The following PCDHB10 variants were observed in gnomAD, a reference collection of about 807,000 sequenced individuals.
PCDHB10 encodes the protein protocadherin beta-10.
For synonymous variants in PCDHB10, 448 were observed against 449.2 expected (o/e 1.00, Z 0.04); for missense variants, 1,046 against 1,004.7 (o/e 1.04, Z -0.56).
chr5:141,194,669 C>A lies in PCDHB10; in HGVS notation c.2117C>A (p.Ser706Ter). The change falls in exon 1 of 1, where the codon TCG (serine) becomes TAG (stop). Residue 706 changes from serine to a stop codon, truncating the protein, a stop_gained. Transcript: ENST00000239446. LOFTEE classifies it low-confidence loss of function (END_TRUNC). The part of the protein sequence containing the change: ...LASVSSLFLL[S>*]VLLFVAVRLC... ...TCGGTGTCTTCGCTCTTCCTCCTCT[C>A]GGTGCTCCTGTTCGTGGCGGTGCGG... 1 of 1,605,560 alleles carries A rather than the reference C, an allele frequency of 6.2e-7. No individual in the cohort carries two copies. Among genetic ancestry groups the A allele is most frequent in the African/African-American group, 1.3e-5 (1 of 74,754 alleles).
At position 141,192,921 on chromosome 5, in the gene PCDHB10, C is replaced by A. The variant is rs1554283916; in HGVS notation, c.369C>A (p.Val123=). ...AGATTTACCGGGCTGAGCTGAGAGT[C>A]AGGGATATAAATGATCACGCGCCAG... ...PFQIYRAELR[V]RDINDHAPVF... The change falls in exon 1 of 1, where the codon GTC becomes GTA. Residue 123 remains valine (V), a synonymous_variant. Transcript: ENST00000239446. The A allele has an allele frequency of 1.2e-6, 2 of 1,613,944 alleles. No individual in the cohort carries two copies. The highest frequency in any genetic ancestry group is 8.5e-7 in the Non-Finnish European group (1 of 1,180,008).
At position 141,193,028 on chromosome 5, in the gene PCDHB10, A is replaced by T. The variant is rs782156474; in HGVS notation, c.476A>T (p.Asp159Val). 1.1e-5 allele frequency: 18 copies of T among 1,614,102 alleles called. 1 individual carries two copies. Among genetic ancestry groups the T allele is most frequent in the Middle Eastern group, 3.3e-4 (2 of 6,084 alleles). Residue 159 changes from aspartate (D) to valine (V), a missense_variant, in exon 1 of 1, where the codon GAT (aspartate) becomes GTT (valine). Coordinates refer to ENST00000239446, the MANE Select transcript of PCDHB10 (RefSeq NM_018930.4). Reference protein sequence around the residue: ...GTAFRLERAQDPDGGLNGIQN... With the variant: ...GTAFRLERAQVPDGGLNGIQN... ...GCATTTAGACTAGAAAGAGCACAGG[A>T]TCCAGATGGAGGACTTAACGGTATC...
rs375084189 is a variant in PCDHB10, at chr5:141,193,749, T to C, written c.1197T>C (p.Asn399=). 6.2e-6 allele frequency: 10 copies of C among 1,614,058 alleles called. No homozygotes were observed. In the African/African-American group the frequency reaches 1.3e-4, roughly 22 times the overall value. The part of the protein sequence containing the change: ...LPFLLKPSVE[N]FYILITEGAL... ...TCCTACTAAAACCTTCTGTGGAGAA[T>C]TTTTACATCCTAATTACAGAAGGCG... The change falls in exon 1 of 1, where the codon AAT becomes AAC. Residue 399 remains asparagine (N), a synonymous_variant. Coordinates refer to ENST00000239446, the MANE Select transcript of PCDHB10 (RefSeq NM_018930.4).
chr5:141,193,828 T>A lies in PCDHB10; in HGVS notation c.1276T>A (p.Leu426Met). ...CAACATCACTATCACCGTCACTGAC[T>A]TGGGGACACCCAGGCTGAAAACCGA... ...EYNITITVTD[L>M]GTPRLKTEHN... Residue 426 changes from leucine (L) to methionine (M), a missense_variant, in exon 1 of 1, where the codon TTG becomes ATG. Physicochemically the swap from Leu to Met is conservative, Grantham distance 15 (BLOSUM62 2). Coordinates refer to ENST00000239446, the MANE Select transcript of PCDHB10 (RefSeq NM_018930.4). 1.2e-6 allele frequency: 2 copies of A among 1,614,164 alleles called. No homozygotes were observed. Among genetic ancestry groups the A allele is most frequent in the Non-Finnish European group, 1.7e-6 (2 of 1,180,038 alleles).
At position 141,194,977 on chromosome 5, in the gene PCDHB10, A is replaced by G. The variant is rs782499841; in HGVS notation, c.*22A>G. Reference sequence around the variant, plus strand: ...GTAAAGTCTGTTTTTAGTTTCATATACTTTTGGTGTGTTACATAGCCATGT... The same window carrying G: ...GTAAAGTCTGTTTTTAGTTTCATATGCTTTTGGTGTGTTACATAGCCATGT... On this transcript the variant is annotated 3_prime_UTR_variant, in exon 1 of 1. Coordinates refer to ENST00000239446, the MANE Select transcript of PCDHB10 (RefSeq NM_018930.4). 4 of 1,557,272 alleles carry G rather than the reference A, an allele frequency of 2.6e-6. No homozygotes were observed. Among genetic ancestry groups the G allele is most frequent in the African/African-American group, 1.4e-5 (1 of 72,896 alleles).
Position 141,194,076 on chromosome 5 carries a change from G to T in PCDHB10, c.1524G>T (p.Ala508=). 6.2e-7 allele frequency: 1 copy of T among 1,603,834 alleles called. No individual in the cohort carries two copies. The highest frequency in any genetic ancestry group is 8.5e-7 in the Non-Finnish European group (1 of 1,175,412). ...LPLASLVSIN[A]DNGHLFALRS... ...TCGCCTCCCTGGTCTCCATCAACGC[G>T]GACAACGGCCACCTGTTCGCCCTCA... The change falls in exon 1 of 1, where the codon GCG becomes GCT. Residue 508 remains alanine (A), a synonymous_variant. Coordinates refer to ENST00000239446, the MANE Select transcript of PCDHB10 (RefSeq NM_018930.4).
chr5:141,194,838 G>A lies in PCDHB10; in HGVS notation c.2286G>A (p.Gly762=), dbSNP rs1554284537. 1.2e-6 allele frequency: 2 copies of A among 1,614,180 alleles called. No individual in the cohort carries two copies. The highest frequency in any genetic ancestry group is 1.1e-5 in the South Asian group (1 of 91,082). The part of the protein sequence containing the change: ...QYEVCLTGGP[G]TSEFKFLKPV... ...AGGTGTGTCTGACGGGAGGCCCCGG[G>A]ACCAGTGAGTTCAAGTTCTTGAAAC... is the stretch of plus-strand genomic sequence containing the variant. Residue 762 remains glycine, a synonymous_variant, in exon 1 of 1, where the codon GGG becomes GGA. Transcript: ENST00000239446.
rs17844567 is a variant in PCDHB10, at chr5:141,193,992, G to A, written c.1440G>A (p.Ser480=). 6,901 of 1,609,330 alleles carry A rather than the reference G, an allele frequency of 4.3e-3. 217 individuals carry two copies. The African/African-American group carries it at 0.066, about 16-fold the overall frequency. ...IGSVSATDRD[S]GTNAQVTYSL... Reference sequence around the variant, plus strand: ...GCGTCAGCGCCACAGACAGAGACTCGGGCACCAACGCCCAGGTCACCTACT... The same window carrying A: ...GCGTCAGCGCCACAGACAGAGACTCAGGCACCAACGCCCAGGTCACCTACT... The change falls in exon 1 of 1, where the codon TCG becomes TCA. Residue 480 remains serine (S), a synonymous_variant. Coordinates refer to ENST00000239446, the MANE Select transcript of PCDHB10 (RefSeq NM_018930.4).
Position 141,193,531 on chromosome 5 carries a change from C to T in PCDHB10, c.979C>T (p.Leu327Phe). The change falls in exon 1 of 1, where the codon CTT becomes TTT. Residue 327 changes from leucine to phenylalanine, a missense_variant. Leu to Phe is a conservative substitution (Grantham distance 22, BLOSUM62 0). Coordinates refer to ENST00000239446, the MANE Select transcript of PCDHB10 (RefSeq NM_018930.4). ...INIQAMDGGG[L>F]SARCRVLVEV... ...TATACAGGCAATGGACGGTGGAGGC[C>T]TTTCTGCAAGATGTAGGGTTTTAGT... The T allele has an allele frequency of 6.2e-7, 1 of 1,614,146 alleles. No individual in the cohort carries two copies. Among genetic ancestry groups the T allele is most frequent in the South Asian group, 1.1e-5 (1 of 91,084 alleles).
rs1754013876 is a variant in PCDHB10 at position 141,194,708 on chromosome 5, G to A, written c.2156G>A (p.Ser719Asn). The A allele has an allele frequency of 6.2e-7, 1 of 1,610,116 alleles. No homozygotes were observed. Among genetic ancestry groups the A allele is most frequent in the East Asian group, 2.2e-5 (1 of 44,804 alleles). Reference protein sequence around the residue: ...LFVAVRLCRRSRAASVGRCSV... With the variant: ...LFVAVRLCRRNRAASVGRCSV... ...GTGGCGGTGCGGCTGTGCAGGAGGAGCAGGGCGGCCTCGGTGGGTCGCTGC... is the reference window on the plus strand; with the variant it reads ...GTGGCGGTGCGGCTGTGCAGGAGGAACAGGGCGGCCTCGGTGGGTCGCTGC... The change falls in exon 1 of 1, where the codon AGC becomes AAC. Residue 719 changes from serine (S) to asparagine (N), a missense_variant. Ser to Asn is a conservative substitution (Grantham distance 46). Coordinates refer to ENST00000239446, the MANE Select transcript of PCDHB10 (RefSeq NM_018930.4).
Position 141,193,340 on chromosome 5 carries a change from AG to A in PCDHB10, c.790del (p.Val264TyrfsTer6), listed in dbSNP as rs782723614. The A allele has an allele frequency of 1.2e-6, 2 of 1,614,180 alleles. No homozygotes were observed. Among genetic ancestry groups the A allele is most frequent in the Admixed American group, 3.3e-5 (2 of 60,022 alleles). On this transcript the variant is annotated frameshift_variant, in exon 1 of 1. Coordinates refer to ENST00000239446, the MANE Select transcript of PCDHB10 (RefSeq NM_018930.4). LOFTEE classifies it low-confidence loss of function (END_TRUNC). Reference sequence around the variant, plus strand: ...AGCCCCATTGGGTTCCTTATTGTTAAGGTATGGGCAGAAGATGTAGACTCTG... The same window carrying A: ...AGCCCCATTGGGTTCCTTATTGTTAAGTATGGGCAGAAGATGTAGACTCTG... ...ENSPIGFLIVKVWAEDVDSGV... is the reference protein window; with the variant it reads ...ENSPIGFLIVXVWAEDVDSGV...
chr5:141,194,415 T>C lies in PCDHB10; in HGVS notation c.1863T>C (p.Asn621=). 6.2e-7 allele frequency: 1 copy of C among 1,603,184 alleles called. No individual in the cohort carries two copies. Among genetic ancestry groups the C allele is most frequent in the South Asian group, 1.1e-5 (1 of 90,872 alleles). ...GGCTGTTCGGTGTGTGGGCGCACAATGGGGAGGTGCGCACCGCCAGGCTGC... is the reference window on the plus strand; with the variant it reads ...GGCTGTTCGGTGTGTGGGCGCACAACGGGGAGGTGCGCACCGCCAGGCTGC... ...EPGLFGVWAH[N]GEVRTARLLS... Residue 621 remains asparagine, a synonymous_variant, in exon 1 of 1, where the codon AAT becomes AAC. Coordinates refer to ENST00000239446, the MANE Select transcript of PCDHB10 (RefSeq NM_018930.4).
Position 141,194,891 on chromosome 5 carries a change from G to C in PCDHB10, c.2339G>C (p.Gly780Ala), listed in dbSNP as rs1554284556. The C allele has an allele frequency of 6.2e-7, 1 of 1,614,130 alleles. No individual in the cohort carries two copies. The highest frequency in any genetic ancestry group is 1.7e-5 in the Admixed American group (1 of 60,000). Reference sequence around the variant, plus strand: ...GTTATTTCGGATATTCAGGCACAGGGCCCTGGGAGGAAGGGTGAAGAAAAT... The same window carrying C: ...GTTATTTCGGATATTCAGGCACAGGCCCCTGGGAGGAAGGGTGAAGAAAAT... ...KPVISDIQAQ[G>A]PGRKGEENST... Residue 780 changes from glycine (G) to alanine (A), a missense_variant, in exon 1 of 1, where the codon GGC becomes GCC. By Grantham distance (60) the Gly-to-Ala change is moderately conservative. Coordinates refer to ENST00000239446, the MANE Select transcript of PCDHB10 (RefSeq NM_018930.4).
rs1588370237 is a variant in PCDHB10, at chr5:141,192,444, C to T, written c.-109C>T. The T allele has an allele frequency of 4.9e-6, 7 of 1,420,598 alleles. 1 individual carries two copies. The highest frequency in any genetic ancestry group is 2.3e-5 in the East Asian group (1 of 43,750). 88.0% of individuals were successfully genotyped at this position (1,420,598 alleles called of 1,614,324 possible). On this transcript the variant is annotated 5_prime_UTR_variant, in exon 1 of 1. Transcript: ENST00000239446. ...GCCAAAGATTGGGAAAGGGAAAGGA[C>T]AAAAAAGACCCCTGGGCTACACGGC... is the stretch of plus-strand genomic sequence containing the variant.
Position 141,195,642 on chromosome 5 carries a change from G to A in PCDHB10, c.*687G>A, listed in dbSNP as rs563097758. On this transcript the variant is annotated 3_prime_UTR_variant, in exon 1 of 1. Transcript: ENST00000239446. Reference sequence around the variant, plus strand: ...AAAAATAAAACATTTTGAAATGTGTGGTTGAGATTGCTGGAGATATTCATT... The same window carrying A: ...AAAAATAAAACATTTTGAAATGTGTAGTTGAGATTGCTGGAGATATTCATT... 886 of 162,850 alleles carry A rather than the reference G, an allele frequency of 5.4e-3. 7 individuals are homozygous for A. The highest frequency in any genetic ancestry group is 0.038 in the South Asian group (185 of 4,822). 10.1% of individuals were successfully genotyped at this position (162,850 alleles called of 1,614,324 possible).
At position 141,193,727 on chromosome 5, in the gene PCDHB10, T is replaced by C; in HGVS notation, c.1175T>C (p.Leu392Pro). ...VCYIQENLPF[L>P]LKPSVENFYI... ...TACATTCAAGAGAATCTGCCATTCC[T>C]ACTAAAACCTTCTGTGGAGAATTTT... is the stretch of plus-strand genomic sequence containing the variant. Residue 392 changes from leucine to proline, a missense_variant, in exon 1 of 1, where the codon CTA (leucine) becomes CCA (proline). Transcript: ENST00000239446. 2 of 1,614,172 alleles carry C rather than the reference T, an allele frequency of 1.2e-6. No individual in the cohort carries two copies. Among genetic ancestry groups the C allele is most frequent in the Non-Finnish European group, 8.5e-7 (1 of 1,180,036 alleles).
chr5:141,194,922 C>T lies in PCDHB10; in HGVS notation c.2370C>T (p.Thr790=). Residue 790 remains threonine, a synonymous_variant, in exon 1 of 1, where the codon ACC becomes ACT. Coordinates refer to ENST00000239446, the MANE Select transcript of PCDHB10 (RefSeq NM_018930.4). ...GGAGGAAGGGTGAAGAAAATTCCAC[C>T]TTCCGAAATAGCTTTGGATTTAATA... ...GPGRKGEENS[T]FRNSFGFNIQ The T allele has an allele frequency of 1.2e-6, 2 of 1,611,900 alleles. No individual in the cohort carries two copies. The highest frequency in any genetic ancestry group is 1.3e-5 in the African/African-American group (1 of 74,950).
In PCDHB10 at chr5:141,192,532, G is replaced by A. The variant is rs782262964; in HGVS notation, c.-21G>A. On this transcript the variant is annotated 5_prime_UTR_variant, in exon 1 of 1. Transcript: ENST00000239446. ...GGGAGCTGTGGCTGTAACCAACTAG[G>A]AAATAACGTATGCAGCAGCTATGGC... 3 of 1,607,746 alleles carry A rather than the reference G, an allele frequency of 1.9e-6. No homozygotes were observed. The highest frequency in any genetic ancestry group is 1.7e-5 in the Admixed American group (1 of 59,250).
At position 141,193,836 on chromosome 5, in the gene PCDHB10, A is replaced by G; in HGVS notation, c.1284A>G (p.Thr428=). 6.2e-7 allele frequency: 1 copy of G among 1,614,118 alleles called. No homozygotes were observed. Among genetic ancestry groups the G allele is most frequent in the Non-Finnish European group, 8.5e-7 (1 of 1,180,024 alleles). ...NITITVTDLG[T]PRLKTEHNIT... ...CTATCACCGTCACTGACTTGGGGAC[A>G]CCCAGGCTGAAAACCGAGCACAACA... Residue 428 remains threonine (T), a synonymous_variant, in exon 1 of 1, where the codon ACA becomes ACG. Coordinates refer to ENST00000239446, the MANE Select transcript of PCDHB10 (RefSeq NM_018930.4).
Sources: gnomAD v4.1 joint callset for allele counts on GRCh38, gnomAD v4.1.1 for gene constraint, MANE v1.5 for transcripts, NCBI Gene and HGNC (gene_info 2026-07-23, HGNC 2026-07-21) for gene names.